The following NCAM2 variants were observed in gnomAD, a reference collection of about 807,000 sequenced individuals.
NCAM2 encodes neural cell adhesion molecule 2.
NCAM2 carries 30 observed loss-of-function variants against 98.1 expected under a neutral mutation model. That is an observed-to-expected ratio of 0.31 (90% CI 0.23 to 0.41). The LOEUF is 0.41. Among genes scored for constraint, NCAM2 ranks in the 10% least tolerant of loss-of-function variants. NCAM2 has a pLI of 1.00. For missense variants in NCAM2, 867 were observed against 1,005.8 expected, an observed-to-expected ratio of 0.86 and a Z score of 1.87; for synonymous variants, 368 against 342.4, an observed-to-expected ratio of 1.07 and a Z score of -0.83.
chr21:21,227,671 C>T (rs1319220861), intron 1 of NCAM2, among the ~76,000 whole-genome samples: 1 of 151,720 alleles, frequency 6.6e-6, no homozygotes, highest in African/African-American at 2.4e-5. Flanking sequence ...ATTTCTCTAG[C>T]AGATATGTCT....
chr21:21,108,823 G>T (rs372123805), intron 1 of NCAM2, among the ~76,000 whole-genome samples: 1 of 152,050 alleles, frequency 6.6e-6, no homozygotes, highest in African/African-American at 2.4e-5. Context: ...TCAGGAATTT[G>T]TAATCAACTG....
chr21:21,049,058 C>A (rs1292607252), intron 1 of NCAM2, among the ~76,000 whole-genome samples: 1 of 139,618 alleles, frequency 7.2e-6, no homozygotes, highest in South Asian at 2.2e-4. Context: ...GTCGCCCAGG[C>A]TGGACTGCGG....
rs1406980866 is a variant in NCAM2, at chr21:21,265,105, AATAT to A, written c.56-15467_56-15464del. On this transcript the variant is annotated intron_variant, in intron 1 of 17. Coordinates refer to ENST00000400546, the MANE Select transcript of NCAM2 (RefSeq NM_004540.5). Reference sequence around the variant, plus strand: ...ACACATATATTATATATACATATATAATATATATACATACATATATTATATATAC... The same window carrying A: ...ACACATATATTATATATACATATATAATATACATACATATATTATATATAC... Among the ~76,000 whole-genome samples, 5 of 32,178 alleles carry A rather than the reference AATAT, an allele frequency of 1.6e-4. No homozygotes were observed. The South Asian group carries it at 4.7e-3, about 30-fold the overall frequency. 21.1% of individuals were successfully genotyped at this position (32,178 alleles called of 152,430 possible).
chr21:21,337,068 T>G (rs2147868459), intron 7 of NCAM2, among the ~76,000 whole-genome samples: 1 of 152,220 alleles, frequency 6.6e-6, no homozygotes, highest in South Asian at 2.1e-4. Flanking sequence ...CACTTGAAAA[T>G]ATTTTTTCTA....
At chr21:21,074,583 C>T (rs1226520058) in intron 1 of NCAM2, among the ~76,000 whole-genome samples, 2 of 152,148 alleles carry the variant, frequency 1.3e-5, no homozygotes, top group East Asian at 1.9e-4. Context: ...GTGCTGGACT[C>T]TTCTAGATGG....
At chr21:21,142,078 C>G (rs1459215505) in intron 1 of NCAM2, among the ~76,000 whole-genome samples, 1 of 152,142 alleles carries the variant, frequency 6.6e-6, no homozygotes, top group Non-Finnish European at 1.5e-5. Context: ...ATCTTGATCT[C>G]CTTTCTTCTG....
At chr21:21,153,546 A>G (rs2067512319) in intron 1 of NCAM2, among the ~76,000 whole-genome samples, 1 of 151,940 alleles carries the variant, frequency 6.6e-6, no homozygotes, top group Non-Finnish European at 1.5e-5. Flanking sequence ...GAGGAGAAAG[A>G]AATCCATTTT....
intron 1 of NCAM2, among the ~76,000 whole-genome samples, chr21:21,220,077 T>C (rs2070079652): frequency 6.6e-6 from 1 of 151,970 alleles, no homozygotes; most frequent in Non-Finnish European, 1.5e-5. Flanking sequence ...AAAACCTTTA[T>C]AAAGTAAAAA....
intron 1 of NCAM2, among the ~76,000 whole-genome samples, chr21:21,201,490 A>G (rs1440027348): frequency 1.3e-5 from 2 of 152,222 alleles, no homozygotes; most frequent in African/African-American, 2.4e-5. Flanking sequence ...TGAAATTCTG[A>G]CAAACTAAAG....
At chr21:21,269,263 G>T (rs1017067741) in intron 1 of NCAM2, among the ~76,000 whole-genome samples, 1 of 152,108 alleles carries the variant, frequency 6.6e-6, no homozygotes, top group Non-Finnish European at 1.5e-5. Context: ...CTGATTGGAG[G>T]CCTGAGAAAC....
intron 12 of NCAM2, among the ~76,000 whole-genome samples, chr21:21,447,818 G>A (rs929265518): frequency 3.9e-5 from 6 of 152,102 alleles, no homozygotes; most frequent in African/African-American, 7.2e-5. Context: ...GATCATTAGA[G>A]AAATGCAAAT....
chr21:21,070,136 A>C (rs899211339), intron 1 of NCAM2, among the ~76,000 whole-genome samples: 8 of 152,256 alleles, frequency 5.3e-5, no homozygotes, highest in Middle Eastern at 3.4e-3. Context: ...TCACAGAACC[A>C]GGAGAAACTT....
At chr21:21,283,384 CT>C (rs1401083349) in intron 2 of NCAM2, among the ~76,000 whole-genome samples, 2 of 151,756 alleles carry the variant, frequency 1.3e-5, no homozygotes, top group Non-Finnish European at 2.9e-5. Flanking sequence ...GAAATACATC[CT>C]TTTGGTGACT....
intron 12 of NCAM2, among the ~76,000 whole-genome samples, chr21:21,441,909 C>T (rs757471526): frequency 6.6e-6 from 1 of 152,072 alleles, no homozygotes; most frequent in Non-Finnish European, 1.5e-5. Context: ...AAGGGGTACT[C>T]TATGTAATGA....
chr21:21,014,499 G>A (rs1164052726), intron 1 of NCAM2, among the ~76,000 whole-genome samples: 1 of 151,780 alleles, frequency 6.6e-6, no homozygotes, highest in African/African-American at 2.4e-5. Context: ...TGGGATGACA[G>A]CACATCTGTT....
At chr21:21,392,412 A>G (rs1335170069) in intron 9 of NCAM2, among the ~76,000 whole-genome samples, 1 of 152,214 alleles carries the variant, frequency 6.6e-6, no homozygotes, top group Non-Finnish European at 1.5e-5. Context: ...CAGTGAACAT[A>G]CAAATGAATG....
rs188832487 is a variant in NCAM2, at chr21:21,194,980, C to A, written c.56-85598C>A. ...TCTAAGAATTCAAATTTTTTATGAT[C>A]TGTATATAAATTAGAATATGCAGTG... On this transcript the variant is annotated intron_variant, in intron 1 of 17. Transcript: ENST00000400546. Among the ~76,000 whole-genome samples the A allele has an allele frequency of 4.6e-5, 7 of 152,178 alleles. No homozygotes were observed. The East Asian group carries it at 1.4e-3, about 29-fold the overall frequency.
At chr21:21,464,113 A>G (rs1602417661) in intron 12 of NCAM2, among the ~76,000 whole-genome samples, 1 of 152,114 alleles carries the variant, frequency 6.6e-6, no homozygotes, top group African/African-American at 2.4e-5. Flanking sequence ...AAGAAATACA[A>G]TTGAATATAA....
chr21:21,263,916 T>C (rs772665048), intron 1 of NCAM2, among the ~76,000 whole-genome samples: 65 of 151,828 alleles, frequency 4.3e-4, no homozygotes, highest in Non-Finnish European at 6.1e-4. Context: ...AAAAGAAATG[T>C]CCTTTGGGAC....
Sources: gnomAD v4.1 joint callset for allele counts (sites outside exome capture counted in the v4.1 genomes callset) on GRCh38, gnomAD v4.1.1 for gene constraint, MANE v1.5 for transcripts, NCBI Gene and HGNC (gene_info 2026-07-23, HGNC 2026-07-21) for gene names.